SI: variants seen among roughly 807,000 people sequenced by gnomAD.
SI encodes the protein sucrase-isomaltase.
SI carries 235 observed loss-of-function variants against 253.3 expected under a neutral mutation model. The ratio of observed to expected loss-of-function variants is 0.93; its 90% CI spans 0.83 to 1.03. The LOEUF is 1.03. Among genes scored for constraint, SI ranks in the 50% least tolerant of loss-of-function variants. SI has a pLI of 0.00. For synonymous variants in SI, 819 were observed against 712.0 expected (o/e 1.15, Z -2.39); for missense variants, 2,442 against 2,211.1 (o/e 1.10, Z -2.09).
chr3:165,019,687 C>T lies in SI; in HGVS notation c.3338G>A (p.Gly1113Asp), dbSNP rs772000065. 1.2e-6 allele frequency: 2 copies of T among 1,612,526 alleles called. No individual in the cohort carries two copies. The highest frequency in any genetic ancestry group is 2.7e-5 in the African/African-American group (2 of 74,790). The change falls in exon 28 of 48, where the codon GGT (glycine) becomes GAT (aspartate). Residue 1113 changes from glycine to aspartate, a missense_variant. Coordinates refer to ENST00000264382, the MANE Select transcript of SI (RefSeq NM_001041.4). ...TGCTGTATGTTCCACTTCCCCAAAA[C>T]CATATATATATTCTGATGGCAGGCG... is the stretch of plus-strand genomic sequence containing the variant. ...STRLPSEYIY[G>D]FGEVEHTAFK...
Position 164,992,164 on chromosome 3 carries a change from C to G in SI, c.4983+13G>C, listed in dbSNP as rs2108127061. On this transcript the variant is annotated intron_variant, in intron 43 of 47. Transcript: ENST00000264382. The stretch of plus-strand genomic sequence containing the variant: ...CTGTTTAGTTAATTCCCCAGAATTC[C>G]TTAAATACTTACTGTATGGTAGTCA... 3 of 1,604,572 alleles carry G rather than the reference C, an allele frequency of 1.9e-6. No individual in the cohort carries two copies. The highest frequency in any genetic ancestry group is 1.7e-6 in the Non-Finnish European group (2 of 1,173,216).
chr3:165,015,881 C>T (rs768178092), intron 32 of SI, 71 bp downstream of exon 32: 6 of 1,324,612 alleles, frequency 4.5e-6, no homozygotes, highest in Admixed American at 1.7e-5. Context: ...AACATCTTCC[C>T]CCCCACCTGC....
At chr3:165,049,911 C>T in intron 13 of SI, 36 bp from the exon 14 acceptor site, 1 of 1,271,882 alleles carries the variant, frequency 7.9e-7, no homozygotes, top group Non-Finnish European at 1.2e-6. Context: ...GCAGATTTTA[C>T]ATAATTATAA....
rs761065677 is a variant in SI, at chr3:164,991,384, A to G, written c.5077T>C (p.Cys1693Arg). ...AATGTGTTTTGAGCTGGCTCTTGAC[A>G]TGGTAGGATGTGACCACCACGGACA... The part of the protein sequence containing the change: ...LHVRGGHILP[C>R]QEPAQNTFYS... Residue 1693 changes from cysteine (C) to arginine (R), a missense_variant, in exon 44 of 48, where the codon TGT (cysteine) becomes CGT (arginine). Coordinates refer to ENST00000264382, the MANE Select transcript of SI (RefSeq NM_001041.4). The G allele has an allele frequency of 1.9e-6, 3 of 1,613,806 alleles. No individual in the cohort carries two copies. Among genetic ancestry groups the G allele is most frequent in the Non-Finnish European group, 2.5e-6 (3 of 1,179,792 alleles).
intron 45 of SI, among the ~76,000 whole-genome samples, chr3:164,985,026 A>G (rs6781688): frequency 0.2 from 29,900 of 152,104 alleles, 4,294 homozygotes; most frequent in African/African-American, 0.4. Context: ...AAATAAGTAG[A>G]TCCAATTGGC....
At chr3:165,052,906 T>A (rs1383785590) in intron 13 of SI, among the ~76,000 whole-genome samples, 3 of 152,066 alleles carry the variant, frequency 2.0e-5, no homozygotes, top group African/African-American at 7.2e-5. Context: ...TATTTGGGCA[T>A]ATCTTCTTAT....
chr3:165,054,480 C>A (rs1050832649), intron 13 of SI, among the ~76,000 whole-genome samples: 9 of 151,980 alleles, frequency 5.9e-5, no homozygotes, highest in Admixed American at 5.9e-4. Context: ...TCAAGCAATT[C>A]TTCTGCCTCA....
At chr3:165,029,641 T>TGTATATATATAC (rs1712130539) in intron 25 of SI, among the ~76,000 whole-genome samples, 1 of 146,204 alleles carries the variant, frequency 6.8e-6, no homozygotes, top group Non-Finnish European at 1.5e-5. Context: ...CTTATATATA[T>TGTATATATATAC]ATATAACATT....
chr3:165,089,865 G>C, the SI span, among the ~76,000 whole-genome samples: 1 of 151,968 alleles, frequency 6.6e-6, no homozygotes, highest in Non-Finnish European at 1.5e-5. Context: ...TAACATTGGA[G>C]CTCACATCCT....
intron 37 of SI, among the ~76,000 whole-genome samples, chr3:164,999,342 A>AT (rs1718159930): frequency 6.6e-6 from 1 of 151,646 alleles, no homozygotes; most frequent in Admixed American, 6.6e-5. Flanking sequence ...AAAAATAAGT[A>AT]TTTTTATATC....
chr3:165,016,742 T>C (rs1221304528), intron 31 of SI, among the ~76,000 whole-genome samples: 2 of 151,964 alleles, frequency 1.3e-5, no homozygotes, highest in African/African-American at 4.8e-5. Context: ...TTTCTGTTAG[T>C]TGACATTATC....
intron 31 of SI, among the ~76,000 whole-genome samples, chr3:165,017,293 T>C (rs1311293491): frequency 1.3e-5 from 2 of 151,884 alleles, no homozygotes; most frequent in Non-Finnish European, 2.9e-5. Context: ...GGAAATCAAG[T>C]GCACAGTGAC....
chr3:165,060,089 C>A, intron 9 of SI, 62 bp from the exon 10 acceptor site: 2 of 1,434,100 alleles, frequency 1.4e-6, no homozygotes, highest in Non-Finnish European at 1.9e-6. Flanking sequence ...CATTAATAAC[C>A]AAGGTTAATG....
intron 22 of SI, among the ~76,000 whole-genome samples, chr3:165,034,442 T>G (rs1712415978): frequency 6.6e-6 from 1 of 151,958 alleles, no homozygotes; most frequent in Middle Eastern, 3.2e-3. Context: ...GGAGGTATTA[T>G]CTCAACATTG....
At chr3:165,054,349 TAAAGAAACTC>T (rs1198197502) in intron 13 of SI, among the ~76,000 whole-genome samples, 2 of 152,042 alleles carry the variant, frequency 1.3e-5, no homozygotes, top group African/African-American at 2.4e-5. Context: ...CAACTTCATT[TAAAGAAACTC>T]TTAAACACTT....
In SI at chr3:165,069,164, C is replaced by T; in HGVS notation, c.287G>A (p.Arg96Lys). The T allele has an allele frequency of 5.0e-6, 8 of 1,613,278 alleles. No homozygotes were observed. The highest frequency in any genetic ancestry group is 6.8e-6 in the Non-Finnish European group (8 of 1,179,482). Residue 96 changes from arginine to lysine, a missense_variant, in exon 4 of 48, where the codon AGG (arginine) becomes AAG (lysine). By Grantham distance (26) the Arg-to-Lys change is conservative. Coordinates refer to ENST00000264382, the MANE Select transcript of SI (RefSeq NM_001041.4). ...AGGAATAAGAGAGTCATTCCACGGC[C>T]TCCAGCAGCAGCCTCTCTGTGCACA... ...GICAQRGCCWRPWNDSLIPWC... is the reference protein window; with the variant it reads ...GICAQRGCCWKPWNDSLIPWC...
the SI span, among the ~76,000 whole-genome samples, chr3:165,087,136 C>T: frequency 7.4e-6 from 1 of 134,964 alleles, no homozygotes; most frequent in Admixed American, 8.2e-5. Context: ...CGAACAAATA[C>T]ACAAAACAAA....
chr3:165,086,312 A>G, the SI span, among the ~76,000 whole-genome samples: 1 of 152,142 alleles, frequency 6.6e-6, no homozygotes, highest in East Asian at 1.9e-4. Flanking sequence ...CCCATAATAC[A>G]TGAACCTAAT....
At chr3:165,033,830 T>C (rs796928299) in intron 22 of SI, among the ~76,000 whole-genome samples, 2 of 151,576 alleles carry the variant, frequency 1.3e-5, no homozygotes, top group Non-Finnish European at 3.0e-5. Flanking sequence ...CATATTATAA[T>C]ACATTTTGCA....
Sources: allele counts gnomAD v4.1 joint callset (sites outside exome capture counted in the v4.1 genomes callset), GRCh38; gene constraint gnomAD v4.1.1; transcripts MANE v1.5; gene names NCBI Gene and HGNC (gene_info 2026-07-23, HGNC 2026-07-21).